IPO7: variants seen among roughly 807,000 people sequenced by gnomAD.
IPO7 encodes the protein importin-7.
IPO7 carries 13 observed loss-of-function variants against 136.4 expected under a neutral mutation model. The ratio of observed to expected loss-of-function variants is 0.10; its 90% CI spans 0.06 to 0.15. IPO7 has a LOEUF of 0.15. IPO7 is among the 10% of genes least tolerant of loss of function. IPO7 has a pLI of 1.00. For missense variants in IPO7, 857 were observed against 1,240.6 expected, an observed-to-expected ratio of 0.69 and a Z score of 4.65; for synonymous variants, 403 against 404.4, an observed-to-expected ratio of 1.00 and a Z score of 0.04.
At chr11:9,397,025 A>T (rs973565813) in intron 1 of IPO7, among the ~76,000 whole-genome samples, 12 of 151,768 alleles carry the variant, frequency 7.9e-5, no homozygotes, top group African/African-American at 2.9e-4. Context: ...CCTCCAAGTT[A>T]CTATTTTTCT....
At chr11:9,442,325 G>A (rs1028999973) in intron 24 of IPO7, 128 bp downstream of exon 24, 1 of 513,802 alleles carries the variant, frequency 1.9e-6, no homozygotes, top group African/African-American at 2.0e-5. Context: ...TGTTGCAGGT[G>A]ATAGGAATTA....
intron 12 of IPO7, among the ~76,000 whole-genome samples, chr11:9,425,524 T>C (rs920349484): frequency 6.6e-6 from 1 of 151,922 alleles, no homozygotes; most frequent in African/African-American, 2.4e-5. Flanking sequence ...GGGGATCACC[T>C]GAGGTCAGCA....
At position 9,428,934 on chromosome 11, in the gene IPO7, C is replaced by T. The variant is rs1407241888; in HGVS notation, c.1426-97C>T. 1.2e-5 allele frequency: 13 copies of T among 1,085,388 alleles called. No individual in the cohort carries two copies. The Admixed American group carries it at 2.0e-4, about 17-fold the overall frequency. 67.2% of individuals were successfully genotyped at this position (1,085,388 alleles called of 1,614,324 possible). On this transcript the variant is annotated intron_variant, in intron 13 of 24. Coordinates refer to ENST00000379719, the MANE Select transcript of IPO7 (RefSeq NM_006391.3). ...TCTGGACACATCTACCACTGGCCAG[C>T]CTCCAAATTCCCACACACAGAACTC... is the stretch of plus-strand genomic sequence containing the variant.
At position 9,442,126 on chromosome 11, in the gene IPO7, G is replaced by A; in HGVS notation, c.2948G>A (p.Gly983Asp). The change falls in exon 24 of 25, where the codon GGT becomes GAT. Residue 983 changes from glycine (G) to aspartate (D), a missense_variant. Coordinates refer to ENST00000379719, the MANE Select transcript of IPO7 (RefSeq NM_006391.3). ...NPVWYQALTH[G>D]LNEEQRKQLQ... ...GTGTGGTATCAGGCACTGACTCACG[G>A]TCTTAATGAAGAACAAAGAAAACAG... 1 of 1,609,216 alleles carries A rather than the reference G, an allele frequency of 6.2e-7. No homozygotes were observed. The highest frequency in any genetic ancestry group is 8.5e-7 in the Non-Finnish European group (1 of 1,175,706).
intron 1 of IPO7, among the ~76,000 whole-genome samples, chr11:9,394,124 T>C (rs1342932766): frequency 1.3e-5 from 2 of 152,082 alleles, no homozygotes; most frequent in African/African-American, 2.4e-5. Context: ...TGATCCGCCC[T>C]CCTCGGCCTC....
chr11:9,440,233 G>A (rs1855443937), intron 22 of IPO7, among the ~76,000 whole-genome samples: 2 of 152,164 alleles, frequency 1.3e-5, no homozygotes, highest in South Asian at 4.1e-4. Context: ...TTTTTCAGAT[G>A]TCTAGTATTA....
intron 4 of IPO7, among the ~76,000 whole-genome samples, chr11:9,412,414 G>C (rs895239916): frequency 3.3e-5 from 5 of 152,216 alleles, no homozygotes; most frequent in African/African-American, 1.2e-4. Context: ...ATTTAAAGCT[G>C]TTTTGATAAT....
At chr11:9,416,260 T>A (rs78793710) in intron 5 of IPO7, among the ~76,000 whole-genome samples, 1 of 152,342 alleles carries the variant, frequency 6.6e-6, no homozygotes, top group East Asian at 1.9e-4. Flanking sequence ...TGCATGTCTT[T>A]GCTAGATCTT....
intron 12 of IPO7, among the ~76,000 whole-genome samples, chr11:9,428,044 T>G (rs1458606590): frequency 6.6e-6 from 1 of 151,926 alleles, no homozygotes; most frequent in Non-Finnish European, 1.5e-5. Context: ...CACTTGAATC[T>G]GGGAGGTGGA....
rs754661814 is a variant in IPO7 at position 9,433,941 on chromosome 11, G to A, written c.2074+95G>A. 7.7e-4 allele frequency: 693 copies of A among 900,506 alleles called. 1 individual carries two copies. Among genetic ancestry groups the A allele is most frequent in the Non-Finnish European group, 1.0e-3 (648 of 648,780 alleles). The allele number at this position is 900,506 out of a possible 1,614,324, so 55.8% of individuals were successfully genotyped here. A position where few individuals can be genotyped will look rare whatever the true frequency, so the allele number is the denominator to read the frequency against. The stretch of plus-strand genomic sequence containing the variant: ...ACATACACTTTTTTTTTTTTTTTTT[G>A]AGTCGGAATTTTGCTCTTGTTGCCC... On this transcript the variant is annotated intron_variant, in intron 18 of 24. Transcript: ENST00000379719.
intron 1 of IPO7, among the ~76,000 whole-genome samples, chr11:9,396,366 G>A (rs762510530): frequency 9.2e-5 from 14 of 152,096 alleles, no homozygotes; most frequent in Admixed American, 1.3e-4. Context: ...ACTGCACTCC[G>A]GCCAGGGAGA....
At position 9,433,450 on chromosome 11, in the gene IPO7, A is replaced by G. The variant is rs1045812165; in HGVS notation, c.1882-120A>G. 14 of 644,776 alleles carry G rather than the reference A, an allele frequency of 2.2e-5. No individual in the cohort carries two copies. In the African/African-American group the frequency reaches 2.4e-4, roughly 11 times the overall value. The allele number at this position is 644,776 out of a possible 1,614,324, so 39.9% of individuals were successfully genotyped here. On this transcript the variant is annotated intron_variant, in intron 16 of 24. Transcript: ENST00000379719. The stretch of plus-strand genomic sequence containing the variant: ...TAATGTGTAAGTCATTTTAAAACAA[A>G]GACTTATTTTTTTCACAATATTGAC...
At position 9,384,780 on chromosome 11, in the gene IPO7, T is replaced by C. The variant is rs1258970099; in HGVS notation, c.17T>C (p.Ile6Thr). 1 of 1,606,048 alleles carries C rather than the reference T, an allele frequency of 6.2e-7. No homozygotes were observed. Among genetic ancestry groups the C allele is most frequent in the Middle Eastern group, 1.7e-4 (1 of 6,048 alleles). The change falls in exon 1 of 25, where the codon ATT (isoleucine) becomes ACT (threonine). Residue 6 changes from isoleucine (I) to threonine (T), a missense_variant. Coordinates refer to ENST00000379719, the MANE Select transcript of IPO7 (RefSeq NM_006391.3). MDPNTIIEALRGTMDP... is the reference protein window; with the variant it reads MDPNTTIEALRGTMDP... ...CGCGCTGCGATGGACCCCAACACCA[T>C]TATCGAGGCCCTGCGGGGCACTATG...
rs1855510852 is a variant in IPO7 at position 9,445,147 on chromosome 11, G to C, written c.3070G>C (p.Val1024Leu). The change falls in exon 25 of 25, where the codon GTG becomes CTG. Residue 1024 changes from valine to leucine, a missense_variant. Transcript: ENST00000379719. The stretch of plus-strand genomic sequence containing the variant: ...AGGATACAAATTCAGTGCTCCAGTT[G>C]TGCCAAGTTCTTTCAATTTTGGAGG... ...HGGYKFSAPV[V>L]PSSFNFGGPA... is the part of the protein sequence containing the mutation. 1 of 1,612,302 alleles carries C rather than the reference G, an allele frequency of 6.2e-7. No homozygotes were observed. The highest frequency in any genetic ancestry group is 1.3e-5 in the African/African-American group (1 of 75,024).
chr11:9,388,044 G>A (rs1338596187), intron 1 of IPO7, among the ~76,000 whole-genome samples: 2 of 150,982 alleles, frequency 1.3e-5, no homozygotes, highest in African/African-American at 4.9e-5. Context: ...CTACTAGGGA[G>A]GCTGAGGCAG....
intron 1 of IPO7, among the ~76,000 whole-genome samples, chr11:9,395,751 C>T (rs1001753977): frequency 1.3e-5 from 2 of 151,880 alleles, no homozygotes; most frequent in African/African-American, 4.8e-5. Context: ...GAGGCTCACT[C>T]CGTTCCCCAG....
intron 6 of IPO7, among the ~76,000 whole-genome samples, chr11:9,419,617 AATG>A: frequency 6.8e-6 from 1 of 147,488 alleles, no homozygotes; most frequent in South Asian, 2.1e-4. Flanking sequence ...ATTAATGTAT[AATG>A]ATCCAATTCC....
chr11:9,412,154 T>C lies in IPO7; in HGVS notation c.479+2068T>C, dbSNP rs1252095563. Among the ~76,000 whole-genome samples, 3 of 152,216 alleles carry C rather than the reference T, an allele frequency of 2.0e-5. No homozygotes were observed. In the East Asian group the frequency reaches 5.8e-4, roughly 29 times the overall value. On this transcript the variant is annotated intron_variant, in intron 4 of 24. Coordinates refer to ENST00000379719, the MANE Select transcript of IPO7 (RefSeq NM_006391.3). Reference sequence around the variant, plus strand: ...TTTGTTAGCACTTTAAAGTAATATTTGAAATAATTTGTCAGTAGATAGTGT... The same window carrying C: ...TTTGTTAGCACTTTAAAGTAATATTCGAAATAATTTGTCAGTAGATAGTGT...
At chr11:9,425,511 CG>C (rs962025950) in intron 12 of IPO7, among the ~76,000 whole-genome samples, 1 of 151,822 alleles carries the variant, frequency 6.6e-6, no homozygotes, top group African/African-American at 2.4e-5. Flanking sequence ...GAGGCCAGGG[CG>C]GGGGGATCAC....
Sources: allele counts gnomAD v4.1 joint callset (sites outside exome capture counted in the v4.1 genomes callset), GRCh38; gene constraint gnomAD v4.1.1; transcripts MANE v1.5; gene names NCBI Gene and HGNC (gene_info 2026-07-23, HGNC 2026-07-21).